The following RGS3 variants were observed in gnomAD, a reference collection of about 807,000 sequenced individuals.
RGS3 encodes the protein regulator of G protein signaling 3, also known as regulator of G-protein signalling 3.
RGS3 carries 80 observed loss-of-function variants against 132.6 expected under a neutral mutation model. The observed-to-expected ratio is 0.60, with a 90% CI of 0.50 to 0.73. The LOEUF (loss-of-function observed/expected upper bound fraction) is 0.73. Among genes scored for constraint, RGS3 ranks in the 30% least tolerant of loss-of-function variants. The pLI is 0.00. For synonymous variants in RGS3, 598 were observed against 620.6 expected (o/e 0.96, Z 0.54); for missense variants, 1,382 against 1,530.8 (o/e 0.90, Z 1.62).
chr9:113,501,318 T>A, intron 10 of RGS3: 1 of 1,017,716 alleles, frequency 9.8e-7, no homozygotes, highest in Non-Finnish European at 1.4e-6. Context: ...CGGGGAATAC[T>A]AACTAGTTGA....
chr9:113,596,647 C>T lies in RGS3; in HGVS notation c.3412-121C>T, dbSNP rs537674016. 5.7e-4 allele frequency: 452 copies of T among 792,442 alleles called. 8 individuals carry two copies. In the South Asian group the frequency reaches 7.9e-3, roughly 14 times the overall value. 49.1% of individuals were successfully genotyped at this position (792,442 alleles called of 1,614,324 possible). A position where few individuals can be genotyped will look rare whatever the true frequency, so the allele number is the denominator to read the frequency against. Reference sequence around the variant, plus strand: ...CTGAGGGTCTCTACTTCAGATGAACCTTAAGATGTGGGGCAAAGGGGCTTG... The same window carrying T: ...CTGAGGGTCTCTACTTCAGATGAACTTTAAGATGTGGGGCAAAGGGGCTTG... On this transcript the variant is annotated intron_variant, in intron 24 of 24. Transcript: ENST00000350696.
intron 7 of RGS3, among the ~76,000 whole-genome samples, chr9:113,495,581 G>A (rs1291598020): frequency 6.6e-6 from 1 of 152,186 alleles, no homozygotes; most frequent in African/African-American, 2.4e-5. Flanking sequence ...GACCAACTCT[G>A]AGTCTCCATT....
intron 19 of RGS3, among the ~76,000 whole-genome samples, chr9:113,544,587 C>T (rs1477376438): frequency 2.6e-5 from 4 of 152,198 alleles, no homozygotes; most frequent in African/African-American, 4.8e-5. Context: ...AATTTTGCAA[C>T]GTGGAAGGGC....
chr9:113,517,226 G>T (rs757121029), intron 15 of RGS3: 3 of 522,280 alleles, frequency 5.7e-6, no homozygotes, highest in South Asian at 1.5e-5. Flanking sequence ...CCAGTGCAGT[G>T]GGGGGTGAGA....
chr9:113,452,035 G>A (rs1829256677), intron 1 of RGS3, among the ~76,000 whole-genome samples: 1 of 152,078 alleles, frequency 6.6e-6, no homozygotes, highest in Admixed American at 6.6e-5. Context: ...GGGTCACTCT[G>A]TTGCCCAGGC....
intron 16 of RGS3, among the ~76,000 whole-genome samples, chr9:113,521,353 T>C (rs1831946219): frequency 6.6e-6 from 1 of 152,222 alleles, no homozygotes; most frequent in South Asian, 2.1e-4. Flanking sequence ...ATTTTTAAAT[T>C]ACAAAAGTAA....
exon 20 of RGS3, chr9:113,583,916 G>C: frequency 6.2e-7 from 1 of 1,614,096 alleles, no homozygotes; most frequent in African/African-American, 1.3e-5. Flanking sequence ...GACACCATGA[G>C]CTCCGGGGAC....
intron 19 of RGS3, among the ~76,000 whole-genome samples, chr9:113,576,359 G>C (rs1184845231): frequency 6.1e-5 from 9 of 146,634 alleles, no homozygotes; most frequent in African/African-American, 2.2e-4. Flanking sequence ...TTGAGACAGA[G>C]TCTTGCTCTG....
chr9:113,460,240 G>A (rs1829443791), upstream of RGS3: 2 of 1,199,490 alleles, frequency 1.7e-6, no homozygotes, highest in Non-Finnish European at 2.1e-6. Context: ...TTTTCTCCTG[G>A]CCAGGCGCAG....
chr9:113,519,051 T>G (rs1831811165), intron 16 of RGS3, among the ~76,000 whole-genome samples: 1 of 152,340 alleles, frequency 6.6e-6, no homozygotes, highest in African/African-American at 2.4e-5. Context: ...ACTTATTGTG[T>G]ATCCTCATTG....
intron 20 of RGS3, chr9:113,589,260 CT>C: frequency 6.6e-6 from 1 of 152,420 alleles, no homozygotes; most frequent in East Asian, 1.9e-4. Flanking sequence ...CTCTGGCCCC[CT>C]CCAAGGTCAG....
intron 19 of RGS3, among the ~76,000 whole-genome samples, chr9:113,566,819 G>A (rs937250669): frequency 2.0e-5 from 3 of 152,228 alleles, no homozygotes; most frequent in Non-Finnish European, 4.4e-5. Context: ...GGAAGGAGCC[G>A]CAGAGGCTGC....
At position 113,538,706 on chromosome 9, in the gene RGS3, A is replaced by G. The variant is rs1832782766; in HGVS notation, c.2037+1788A>G. Among the ~76,000 whole-genome samples, 3 of 152,254 alleles carry G rather than the reference A, an allele frequency of 2.0e-5. No individual in the cohort carries two copies. The South Asian group carries it at 6.2e-4, about 32-fold the overall frequency. ...TCAGGGCCACACTAGAATGTATGGG[A>G]ATCCTGAGCAGAGCAGTTTGGACAC... On this transcript the variant is annotated intron_variant, in intron 19 of 24. Coordinates refer to ENST00000350696, the Ensembl canonical transcript of RGS3.
At chr9:113,568,279 C>G (rs866863047) in intron 19 of RGS3, among the ~76,000 whole-genome samples, 3 of 152,312 alleles carry the variant, frequency 2.0e-5, no homozygotes, top group Middle Eastern at 6.8e-3. Context: ...TGACATGTCC[C>G]TTTTGGACCT....
chr9:113,486,628 C>T (rs910090563), intron 7 of RGS3, among the ~76,000 whole-genome samples: 8 of 152,188 alleles, frequency 5.3e-5, no homozygotes, highest in African/African-American at 1.7e-4. Flanking sequence ...ATCTGGGATA[C>T]CCCATGGTCA....
Position 113,586,273 on chromosome 9 carries a change from A to G in RGS3, c.3015+1846A>G, listed in dbSNP as rs554065771. Among the ~76,000 whole-genome samples the G allele has an allele frequency of 2.6e-5, 4 of 152,198 alleles. No individual in the cohort carries two copies. In the South Asian group the frequency reaches 6.2e-4, roughly 24 times the overall value. ...AGGCCCACCTGCCTTGGGCTTCCCA[A>G]TCCTGATTCCCCCACTACACCCTTC... On this transcript the variant is annotated intron_variant, in intron 20 of 24. Coordinates refer to ENST00000350696, the Ensembl canonical transcript of RGS3.
At chr9:113,562,155 T>TA (rs979907051) in intron 19 of RGS3, among the ~76,000 whole-genome samples, 14 of 152,158 alleles carry the variant, frequency 9.2e-5, no homozygotes, top group African/African-American at 3.4e-4. Context: ...TGCCTCTGCT[T>TA]ACACATCCAT....
At chr9:113,446,410 G>A (rs148560171) in intron 1 of RGS3, among the ~76,000 whole-genome samples, 1 of 152,094 alleles carries the variant, frequency 6.6e-6, no homozygotes, top group Admixed American at 6.6e-5. Flanking sequence ...TGGATCAATT[G>A]GTAAAGTTTT....
intron 3 of RGS3, among the ~76,000 whole-genome samples, chr9:113,469,042 A>ATT (rs145400431): frequency 7.6e-4 from 78 of 102,082 alleles, no homozygotes; most frequent in African/African-American, 1.3e-3. Flanking sequence ...TTTGCTCAGC[A>ATT]TTTTTTTTTT....
Sources: allele counts gnomAD v4.1 joint callset (sites outside exome capture counted in the v4.1 genomes callset), GRCh38; gene constraint gnomAD v4.1.1; transcripts MANE v1.5; gene names NCBI Gene and HGNC (gene_info 2026-07-23, HGNC 2026-07-21).